The following PM20D1 variants were observed in gnomAD, a reference collection of about 807,000 sequenced individuals.
PM20D1 encodes N-fatty-acyl-amino acid synthase/hydrolase PM20D1.
In PM20D1, 53 loss-of-function variants were observed where a neutral mutation model predicts 53.8. That is an observed-to-expected ratio of 0.98 (90% CI 0.79 to 1.24). The LOEUF is 1.24. Among genes scored for constraint, PM20D1 ranks in the 50% most tolerant of loss-of-function variants. PM20D1 has a pLI of 0.00. For missense variants in PM20D1, 564 were observed against 616.8 expected (o/e 0.91, Z 0.91); for synonymous variants, 239 against 241.3 (o/e 0.99, Z 0.09).
At chr1:205,839,933 AAAAAAG>A (rs1194758421) in intron 10 of PM20D1, among the ~76,000 whole-genome samples, 11 of 150,236 alleles carry the variant, frequency 7.3e-5, no homozygotes, top group African/African-American at 2.7e-4. Context: ...AAAAAAAAAA[AAAAAAG>A]AAAGGAAGAA....
chr1:205,831,070 A>T (rs767672025), intron 11 of PM20D1, among the ~76,000 whole-genome samples: 32 of 152,204 alleles, frequency 2.1e-4, no homozygotes, highest in Non-Finnish European at 3.5e-4. Context: ...CCTAGAGTCA[A>T]ACCTTAGGTC....
chr1:205,844,595 G>A (rs1339330096), intron 4 of PM20D1, among the ~76,000 whole-genome samples: 2 of 152,182 alleles, frequency 1.3e-5, no homozygotes, highest in Non-Finnish European at 2.9e-5. Flanking sequence ...TATTATGAAG[G>A]AGTTTGTTAA....
Position 205,845,469 on chromosome 1 carries a change from G to A in PM20D1, c.345C>T (p.Pro115=). 2 of 1,614,220 alleles carry A rather than the reference G, an allele frequency of 1.2e-6. No individual in the cohort carries two copies. Among genetic ancestry groups the A allele is most frequent in the Non-Finnish European group, 1.7e-6 (2 of 1,180,038 alleles). Residue 115 remains proline (P), a synonymous_variant, in exon 3 of 13, where the codon CCC becomes CCT. Coordinates refer to ENST00000367136, the MANE Select transcript of PM20D1 (RefSeq NM_152491.5). The part of the protein sequence containing the change: ...SHLFTIQGSD[P]SLQPYLLMAH... Reference sequence around the variant, plus strand: ...CCATCAGCAGGTAGGGCTGCAAGCTGGGGTCCGAGCCTTGGATAGTGAACA... The same window carrying A: ...CCATCAGCAGGTAGGGCTGCAAGCTAGGGTCCGAGCCTTGGATAGTGAACA...
At chr1:205,829,574 T>C (rs767687316) in intron 12 of PM20D1, among the ~76,000 whole-genome samples, 79 of 152,114 alleles carry the variant, frequency 5.2e-4, no homozygotes, top group Admixed American at 6.6e-4. Flanking sequence ...AAACTACATA[T>C]GTAATCTCAA....
intron 10 of PM20D1, among the ~76,000 whole-genome samples, chr1:205,839,990 T>C (rs1361194149): frequency 6.7e-6 from 1 of 149,038 alleles, no homozygotes; most frequent in Admixed American, 6.7e-5. Context: ...CTACTACATA[T>C]ATATAATGTT....
At chr1:205,829,039 C>CT (rs1656502010) in intron 12 of PM20D1, among the ~76,000 whole-genome samples, 2 of 152,154 alleles carry the variant, frequency 1.3e-5, no homozygotes, top group South Asian at 2.1e-4. Context: ...GGAGAATTAT[C>CT]TTTTTTCTTG....
chr1:205,849,846 C>T lies in PM20D1; in HGVS notation c.169+58G>A, dbSNP rs1425362467. 3.6e-5 allele frequency: 55 copies of T among 1,537,972 alleles called. No individual in the cohort carries two copies. In the Admixed American group the frequency reaches 7.5e-4, roughly 21 times the overall value. On this transcript the variant is annotated intron_variant, in intron 1 of 12. Transcript: ENST00000367136. ...GCGGAAGCGGGGAGTCACGGGTTGA[C>T]CTGGGGAGGGAGGGACCCACATATG...
At chr1:205,832,490 C>T in intron 11 of PM20D1, 108 bp downstream of exon 11, 1 of 1,235,048 alleles carries the variant, frequency 8.1e-7, no homozygotes, top group Admixed American at 2.2e-5. Flanking sequence ...GGGAAGCAGC[C>T]AGCTGTTTAC....
chr1:205,842,210 G>A lies in PM20D1; in HGVS notation c.909C>T (p.Pro303=). 1.2e-6 allele frequency: 2 copies of A among 1,612,528 alleles called. No homozygotes were observed. The highest frequency in any genetic ancestry group is 1.7e-6 in the Non-Finnish European group (2 of 1,178,578). The change falls in exon 8 of 13, where the codon CCC becomes CCT. Residue 303 remains proline, a synonymous_variant. Coordinates refer to ENST00000367136, the MANE Select transcript of PM20D1 (RefSeq NM_152491.5). ...TGCTCAGGATTATATTGACAGGGAA[G>A]GGAAACTGGGAAAGAACAAGGTCAG... The part of the protein sequence containing the change: ...TVLQQLANEF[P]FPVNIILSNP...
intron 10 of PM20D1, among the ~76,000 whole-genome samples, chr1:205,833,975 G>A (rs1215164960): frequency 6.6e-6 from 1 of 151,452 alleles, no homozygotes; most frequent in African/African-American, 2.4e-5. Context: ...AGCCTCCCGA[G>A]TAGCTGGGAT....
In PM20D1 at chr1:205,847,890, T is replaced by C. The variant is rs11540015; in HGVS notation, c.251A>G (p.His84Arg). ...TALAEFGKYI[H>R]KVFPTVVSTS... Reference sequence around the variant, plus strand: ...GCCCCTGATTTGCAGCTGACCTTTATGAATGTATTTTCCGAACTCAGCCAG... The same window carrying C: ...GCCCCTGATTTGCAGCTGACCTTTACGAATGTATTTTCCGAACTCAGCCAG... Residue 84 changes from histidine (H) to arginine (R), a missense_variant, in exon 2 of 13, where the codon CAT (histidine) becomes CGT (arginine). His to Arg is a conservative substitution (Grantham distance 29). Transcript: ENST00000367136. 131,622 of 1,562,826 alleles carry C rather than the reference T, an allele frequency of 0.084. 4,882 individuals are homozygous for C. Among genetic ancestry groups the C allele is most frequent in the East Asian group, 0.38 (16,558 of 43,608 alleles).
At chr1:205,843,948 A>T (rs1006882298) in intron 5 of PM20D1, 139 bp downstream of exon 5, 2 of 1,470,642 alleles carry the variant, frequency 1.4e-6, no homozygotes, top group Non-Finnish European at 1.8e-6. Flanking sequence ...GAAGCCTAGG[A>T]GAGGTTAAAG....
At chr1:205,843,403 C>T (rs1244673195) in intron 6 of PM20D1, among the ~76,000 whole-genome samples, 1 of 152,160 alleles carries the variant, frequency 6.6e-6, no homozygotes, top group Non-Finnish European at 1.5e-5. Context: ...GGAAGGAATT[C>T]TCACTCCATT....
At chr1:205,842,484 G>A (rs1450233527) in intron 7 of PM20D1, among the ~76,000 whole-genome samples, 192 bp downstream of exon 7, 1 of 152,208 alleles carries the variant, frequency 6.6e-6, no homozygotes, top group Admixed American at 6.5e-5. Flanking sequence ...AGGTCTTAGG[G>A]TCTCAGAAAC....
chr1:205,848,187 G>A (rs200289218), intron 1 of PM20D1, among the ~76,000 whole-genome samples: 3 of 152,284 alleles, frequency 2.0e-5, no homozygotes, highest in East Asian at 3.9e-4. Flanking sequence ...GCAGACTATA[G>A]ATTTAAACCT....
At chr1:205,845,121 G>A (rs1656919641) in intron 3 of PM20D1, among the ~76,000 whole-genome samples, 1 of 152,152 alleles carries the variant, frequency 6.6e-6, no homozygotes, top group African/African-American at 2.4e-5. Flanking sequence ...AGGACTGAAA[G>A]GGTCCCTGGG....
At chr1:205,843,635 C>T in intron 6 of PM20D1, 32 bp downstream of exon 6, 5 of 1,595,662 alleles carry the variant, frequency 3.1e-6, no homozygotes, top group Non-Finnish European at 4.3e-6. Context: ...CATCTCAAGT[C>T]TGGCATGGGA....
chr1:205,842,855 C>T (rs1160183989), intron 6 of PM20D1, 104 bp from the exon 7 acceptor site: 3 of 957,076 alleles, frequency 3.1e-6, no homozygotes, highest in South Asian at 2.7e-5. Context: ...ACGCTCCTGG[C>T]CAAGAGGTCT....
At chr1:205,828,794 A>T in intron 12 of PM20D1, 51 bp from the exon 13 acceptor site, 1 of 1,607,634 alleles carries the variant, frequency 6.2e-7, no homozygotes, top group South Asian at 1.1e-5. Flanking sequence ...CAAGTGCCAC[A>T]GCACAAGTGT....
Sources: allele counts gnomAD v4.1 joint callset (sites outside exome capture counted in the v4.1 genomes callset), GRCh38; gene constraint gnomAD v4.1.1; transcripts MANE v1.5; gene names NCBI Gene and HGNC (gene_info 2026-07-23, HGNC 2026-07-21).